LAMB4: variants seen among roughly 807,000 people sequenced by gnomAD.
LAMB4 encodes laminin subunit beta 4.
In LAMB4, 196 loss-of-function variants were observed where a neutral mutation model predicts 199.2. The ratio of observed to expected loss-of-function variants is 0.98; its 90% CI spans 0.88 to 1.11. The LOEUF is 1.11. LAMB4 is among the 50% of genes least tolerant of loss of function. The pLI is 0.00. For missense variants in LAMB4, 2,080 were observed against 2,171.2 expected, an observed-to-expected ratio of 0.96 and a Z score of 0.83; for synonymous variants, 744 against 770.6, an observed-to-expected ratio of 0.97 and a Z score of 0.57.
At chr7:108,086,996 G>A (rs866271099) in intron 14 of LAMB4, among the ~76,000 whole-genome samples, 3 of 152,186 alleles carry the variant, frequency 2.0e-5, no homozygotes, top group African/African-American at 2.4e-5. Flanking sequence ...ACTTCAGATT[G>A]TGGAGAGCCA....
chr7:108,013,307 G>C, the LAMB4 span, among the ~76,000 whole-genome samples: 1 of 152,110 alleles, frequency 6.6e-6, no homozygotes, highest in Non-Finnish European at 1.5e-5. Flanking sequence ...TGTGCTTTCT[G>C]GGGAGAAATC....
intron 23 of LAMB4, among the ~76,000 whole-genome samples, chr7:108,058,783 A>C (rs978398760): frequency 4.6e-5 from 7 of 152,166 alleles, no homozygotes; most frequent in African/African-American, 1.7e-4. Context: ...CAACCTCCCA[A>C]GTAGCTGGGA....
chr7:108,093,223 C>A (rs544421172), intron 12 of LAMB4, among the ~76,000 whole-genome samples: 2 of 152,044 alleles, frequency 1.3e-5, no homozygotes, highest in African/African-American at 2.4e-5. Flanking sequence ...CCTGCCACCA[C>A]GCTCGGCTGA....
At position 108,126,554 on chromosome 7, in the gene LAMB4, C is replaced by CTTT. The variant is rs71137605; in HGVS notation, c.-33-3360_-33-3358dup. Among the ~76,000 whole-genome samples, 9 of 83,518 alleles carry CTTT rather than the reference C, an allele frequency of 1.1e-4. 1 individual carries two copies. Among genetic ancestry groups the CTTT allele is most frequent in the East Asian group, 4.2e-4 (1 of 2,396 alleles). 54.8% of individuals were successfully genotyped at this position (83,518 alleles called of 152,430 possible). ...TTGTAGGATGTGTCAGAATTTCTTT[C>CTTT]TTTTTTTTTTTTTTTTTTTTTGAGA... On this transcript the variant is annotated intron_variant, in intron 1 of 33. Transcript: ENST00000388781.
At chr7:108,063,176 C>G (rs527683587) in intron 22 of LAMB4, among the ~76,000 whole-genome samples, 182 bp from the exon 23 acceptor site, 1 of 152,312 alleles carries the variant, frequency 6.6e-6, no homozygotes, top group East Asian at 1.9e-4. Flanking sequence ...TTAATGGTTT[C>G]TGATCTCCCC....
intron 29 of LAMB4, among the ~76,000 whole-genome samples, chr7:108,038,075 C>T (rs775079868): frequency 6.6e-6 from 1 of 152,094 alleles, no homozygotes; most frequent in Non-Finnish European, 1.5e-5. Context: ...GGTAACTATA[C>T]CTGATGCTAC....
Position 108,078,201 on chromosome 7 carries a change from C to G in LAMB4, c.2003G>C (p.Arg668Thr). The G allele has an allele frequency of 2.5e-6, 4 of 1,591,342 alleles. No homozygotes were observed. Among genetic ancestry groups the G allele is most frequent in the Non-Finnish European group, 2.6e-6 (3 of 1,164,142 alleles). Residue 668 changes from arginine (R) to threonine (T), a missense_variant and splice_region_variant, in exon 16 of 34, where the codon AGA becomes ACA. Arg to Thr is a moderately conservative substitution (Grantham distance 71). Coordinates refer to ENST00000388781, the MANE Select transcript of LAMB4 (RefSeq NM_007356.3). ...GTTTGAGGACCGGTCTGAAACATAC[C>G]TCGTAGCCGCTGGTAAGGCAAAAGA... is the stretch of plus-strand genomic sequence containing the variant. The part of the protein sequence containing the change: ...PQSFALPAAT[R>T]IMLLPTPICL...
At chr7:108,125,496 A>T (rs2038746902) in intron 1 of LAMB4, among the ~76,000 whole-genome samples, 1 of 152,144 alleles carries the variant, frequency 6.6e-6, no homozygotes, top group Admixed American at 6.5e-5. Flanking sequence ...TGAGATGACA[A>T]TCTCTGTGAA....
chr7:108,023,120 C>T (rs2034726186), downstream of LAMB4, among the ~76,000 whole-genome samples: 1 of 152,182 alleles, frequency 6.6e-6, no homozygotes, highest in East Asian at 1.9e-4. Context: ...GGCTTTAAAT[C>T]TATTTTTTAT....
chr7:108,097,344 T>A (rs1157319004), intron 11 of LAMB4, among the ~76,000 whole-genome samples: 1 of 152,226 alleles, frequency 6.6e-6, no homozygotes, highest in African/African-American at 2.4e-5. Context: ...GCTAAGGGTC[T>A]GCTCATTTGG....
chr7:108,052,709 T>C (rs562038762), intron 25 of LAMB4, among the ~76,000 whole-genome samples: 48 of 152,356 alleles, frequency 3.2e-4, no homozygotes, highest in African/African-American at 1.1e-3. Context: ...AAGGTTCTTT[T>C]TAGTGTAACT....
chr7:108,084,065 G>C (rs780177693), intron 14 of LAMB4, among the ~76,000 whole-genome samples: 2 of 152,238 alleles, frequency 1.3e-5, no homozygotes, highest in African/African-American at 2.4e-5. Context: ...CATACATGTG[G>C]TCTGATAAGG....
chr7:108,028,677 A>T (rs2034923969), intron 33 of LAMB4, among the ~76,000 whole-genome samples: 1 of 151,900 alleles, frequency 6.6e-6, no homozygotes, highest in African/African-American at 2.4e-5. Flanking sequence ...GGGTTTCTCC[A>T]TGTTGGCCAG....
In LAMB4 at chr7:108,037,514, A is replaced by C; in HGVS notation, c.4553T>G (p.Leu1518Arg). 1 of 1,614,146 alleles carries C rather than the reference A, an allele frequency of 6.2e-7. No individual in the cohort carries two copies. Among genetic ancestry groups the C allele is most frequent in the Non-Finnish European group, 8.5e-7 (1 of 1,180,004 alleles). The change falls in exon 30 of 34, where the codon CTA (leucine) becomes CGA (arginine). Residue 1518 changes from leucine (L) to arginine (R), a missense_variant. Coordinates refer to ENST00000388781, the MANE Select transcript of LAMB4 (RefSeq NM_007356.3). ...CTGTATTTTGACAAGTTCATCGGTT[A>C]GATTTTGGGATGGAATTGGTAGGTG... ...DIHLPIPSQN[L>R]TDELVKIQKH...
chr7:108,082,825 C>T (rs374069869), intron 14 of LAMB4, among the ~76,000 whole-genome samples: 1 of 152,134 alleles, frequency 6.6e-6, no homozygotes, highest in African/African-American at 2.4e-5. Context: ...GTGCCACTCT[C>T]AAGACTTAAA....
intron 15 of LAMB4, among the ~76,000 whole-genome samples, chr7:108,078,755 C>T (rs2036808324): frequency 6.6e-6 from 1 of 152,132 alleles, no homozygotes; most frequent in South Asian, 2.1e-4. Flanking sequence ...GGTGTCAGGG[C>T]CATATTCTCT....
At chr7:108,091,946 T>G (rs1278677497) in intron 13 of LAMB4, among the ~76,000 whole-genome samples, 170 bp from the exon 14 acceptor site, 1 of 152,138 alleles carries the variant, frequency 6.6e-6, no homozygotes. Context: ...TAACTGGTCT[T>G]GAATAGTGAA....
chr7:108,082,053 G>A lies in LAMB4; in HGVS notation c.1702-2267C>T, dbSNP rs187803150. 2.5e-4 allele frequency among the ~76,000 whole-genome samples: 38 copies of A among 152,220 alleles called. No homozygotes were observed. In the South Asian group the frequency reaches 6.4e-3, roughly 26 times the overall value. On this transcript the variant is annotated intron_variant, in intron 14 of 33. Transcript: ENST00000388781. ...TTGTAAGAGTTGCAGAACTTCGGCCGGGTGAGGTGGCTCACGCCTGTAATC... is the reference window on the plus strand; with the variant it reads ...TTGTAAGAGTTGCAGAACTTCGGCCAGGTGAGGTGGCTCACGCCTGTAATC...
intron 7 of LAMB4, 44 bp downstream of exon 7, chr7:108,106,465 A>G: frequency 8.5e-7 from 1 of 1,175,960 alleles, no homozygotes; most frequent in South Asian, 1.3e-5. Flanking sequence ...GCCAAACATG[A>G]AATTTTTTTA....
Sources: gnomAD v4.1 joint callset for allele counts (sites outside exome capture counted in the v4.1 genomes callset) on GRCh38, gnomAD v4.1.1 for gene constraint, MANE v1.5 for transcripts, NCBI Gene and HGNC (gene_info 2026-07-23, HGNC 2026-07-21) for gene names.